SLCO3A1: variants seen among roughly 807,000 people sequenced by gnomAD.
SLCO3A1 encodes solute carrier organic anion transporter family member 3A1.
A neutral mutation model predicts 63.1 loss-of-function variants in SLCO3A1; 27 were observed. The observed-to-expected ratio is 0.43, with a 90% CI of 0.32 to 0.59. The LOEUF (loss-of-function observed/expected upper bound fraction) is 0.59, where lower values mean the gene tolerates loss of function less well. Ranked by LOEUF, SLCO3A1 falls within the 20% of genes least tolerant of loss-of-function variation. SLCO3A1 has a pLI of 0.09. For synonymous variants in SLCO3A1, 473 were observed against 409.9 expected (o/e 1.15, Z -1.86); for missense variants, 773 against 945.8 (o/e 0.82, Z 2.40).
At chr15:91,910,204 C>T (rs1898440815) in intron 1 of SLCO3A1, among the ~76,000 whole-genome samples, 1 of 152,190 alleles carries the variant, frequency 6.6e-6, no homozygotes. Context: ...GTGGCAGCCT[C>T]TCCCCTCCCA....
intron 7 of SLCO3A1, among the ~76,000 whole-genome samples, chr15:92,142,523 C>T (rs548394551): frequency 2.0e-5 from 3 of 152,300 alleles, no homozygotes; most frequent in African/African-American, 7.2e-5. Flanking sequence ...TAATCACCTC[C>T]TGAAGAACCC....
At chr15:91,917,791 C>T (rs969951663) in intron 2 of SLCO3A1, among the ~76,000 whole-genome samples, 10 of 152,302 alleles carry the variant, frequency 6.6e-5, no homozygotes, top group African/African-American at 1.7e-4. Flanking sequence ...AGCCGCTCCA[C>T]GTGAGTTTTT....
rs879813995 is a variant in SLCO3A1 at position 91,968,535 on chromosome 15, C to T, written c.646+52077C>T. On this transcript the variant is annotated intron_variant, in intron 2 of 9. Coordinates refer to ENST00000318445, the MANE Select transcript of SLCO3A1 (RefSeq NM_013272.4). The surrounding 1 kb of genome is among the most constrained non-coding windows in gnomAD (Gnocchi z 4.2). Reference sequence around the variant, plus strand: ...AGGTGAATAGGGCTCCACAAACCACCGTGGGGACCAGTGGCATCAAATTCT... The same window carrying T: ...AGGTGAATAGGGCTCCACAAACCACTGTGGGGACCAGTGGCATCAAATTCT... Among the ~76,000 whole-genome samples, 8 of 151,976 alleles carry T rather than the reference C, an allele frequency of 5.3e-5. No homozygotes were observed. Among genetic ancestry groups the T allele is most frequent in the South Asian group, 2.1e-4 (1 of 4,820 alleles).
In SLCO3A1 at chr15:91,941,986, C is replaced by T. The variant is rs1343575461; in HGVS notation, c.646+25528C>T. Reference sequence around the variant, plus strand: ...TGCCTTTGAGCTAGGTCTTACCCATCCACGACAAAAATGAGAGAACAGTAC... The same window carrying T: ...TGCCTTTGAGCTAGGTCTTACCCATTCACGACAAAAATGAGAGAACAGTAC... On this transcript the variant is annotated intron_variant, in intron 2 of 9. Coordinates refer to ENST00000318445, the MANE Select transcript of SLCO3A1 (RefSeq NM_013272.4). The surrounding 1 kb of genome is among the most constrained non-coding windows in gnomAD (Gnocchi z 4.4). 6.6e-6 allele frequency among the ~76,000 whole-genome samples: 1 copy of T among 152,178 alleles called. No homozygotes were observed. Among genetic ancestry groups the T allele is most frequent in the East Asian group, 1.9e-4 (1 of 5,190 alleles).
At position 91,854,274 on chromosome 15, in the gene SLCO3A1, C is replaced by T. The variant is rs1896853623; in HGVS notation, c.180+186C>T. The stretch of plus-strand genomic sequence containing the variant: ...GCTGCCGGCCGGGGCTGCCAGCGAG[C>T]GGGTAGCGGGCGGGACCGTTGATGC... On this transcript the variant is annotated intron_variant, in intron 1 of 9. Transcript: ENST00000318445. The surrounding 1 kb of genome is among the most constrained non-coding windows in gnomAD (Gnocchi z 6.4). 2 of 1,080,012 alleles carry T rather than the reference C, an allele frequency of 1.9e-6. No homozygotes were observed. Among genetic ancestry groups the T allele is most frequent in the Middle Eastern group, 3.8e-4 (1 of 2,628 alleles). The allele number at this position is 1,080,012 out of a possible 1,614,324, so 66.9% of individuals were successfully genotyped here.
At chr15:92,087,833 C>T (rs1050323394) in intron 2 of SLCO3A1, among the ~76,000 whole-genome samples, 1 of 152,122 alleles carries the variant, frequency 6.6e-6, no homozygotes. Flanking sequence ...CTATTATTAT[C>T]TTATATCAGT....
At chr15:91,986,809 T>C (rs910977802) in intron 2 of SLCO3A1, among the ~76,000 whole-genome samples, 1 of 152,254 alleles carries the variant, frequency 6.6e-6, no homozygotes, top group Non-Finnish European at 1.5e-5. Context: ...TATGAAGATA[T>C]ATTTGTAAAA....
At chr15:91,996,404 A>AT (rs553208924) in intron 2 of SLCO3A1, among the ~76,000 whole-genome samples, 121 of 150,876 alleles carry the variant, frequency 8.0e-4, no homozygotes, top group African/African-American at 1.9e-3. Flanking sequence ...TATCATAAAC[A>AT]TTTTTTTTTG....
rs1898667419 is a variant in SLCO3A1, at chr15:91,916,520, G to A, written c.646+62G>A. ...GGTGTGTTGACCATGGATAAAAGGT[G>A]GCCTGGTGGACTTTGATTTTGCCAG... On this transcript the variant is annotated intron_variant, in intron 2 of 9. Transcript: ENST00000318445. This position sits in a 1 kb window ranked among gnomAD's most constrained non-coding sequence, Gnocchi z 6.2. The A allele has an allele frequency of 7.8e-7, 1 of 1,290,134 alleles. No individual in the cohort carries two copies. Among genetic ancestry groups the A allele is most frequent in the South Asian group, 1.4e-5 (1 of 72,820 alleles). 79.9% of individuals were successfully genotyped at this position (1,290,134 alleles called of 1,614,324 possible).
At chr15:91,866,348 G>A (rs368800032) in intron 1 of SLCO3A1, among the ~76,000 whole-genome samples, 25 of 152,270 alleles carry the variant, frequency 1.6e-4, no homozygotes, top group African/African-American at 5.5e-4. Flanking sequence ...ATCAGGGCTG[G>A]TAAAATCTGC....
chr15:92,108,370 G>GT lies in SLCO3A1; in HGVS notation c.1009+3834dup, dbSNP rs572780884. On this transcript the variant is annotated intron_variant, in intron 4 of 9. Transcript: ENST00000318445. The stretch of plus-strand genomic sequence containing the variant: ...CCTGATCTTGCATTTTGGACAGCCT[G>GT]TTTTTTACACACCTCACATTCGTCC... Among the ~76,000 whole-genome samples, 8 of 152,272 alleles carry GT rather than the reference G, an allele frequency of 5.3e-5. No individual in the cohort carries two copies. In the East Asian group the frequency reaches 1.5e-3, roughly 29 times the overall value.
intron 2 of SLCO3A1, among the ~76,000 whole-genome samples, chr15:91,983,828 C>G (rs2046017000): frequency 6.6e-6 from 1 of 152,186 alleles, no homozygotes; most frequent in African/African-American, 2.4e-5. Flanking sequence ...CTCTGGTTTT[C>G]TAAGTCCAGT....
chr15:92,075,124 G>A (rs984999507), intron 2 of SLCO3A1, among the ~76,000 whole-genome samples: 10 of 152,106 alleles, frequency 6.6e-5, no homozygotes, highest in African/African-American at 1.2e-4. Flanking sequence ...CCAGTCCCCC[G>A]TGCTCCATGT....
intron 2 of SLCO3A1, among the ~76,000 whole-genome samples, chr15:91,922,988 G>A (rs1898898678): frequency 6.6e-6 from 1 of 152,140 alleles, no homozygotes; most frequent in South Asian, 2.1e-4. Context: ...TGTGGTTCAT[G>A]GCATCACCGC....
At chr15:91,922,702 C>T (rs546210389) in intron 2 of SLCO3A1, among the ~76,000 whole-genome samples, 8 of 152,166 alleles carry the variant, frequency 5.3e-5, no homozygotes, top group Non-Finnish European at 8.8e-5. Flanking sequence ...AGCCATCTCT[C>T]GTGGGAGCAA....
At chr15:92,139,692 G>C (rs2048103953) in intron 7 of SLCO3A1, among the ~76,000 whole-genome samples, 1 of 152,108 alleles carries the variant, frequency 6.6e-6, no homozygotes, top group Admixed American at 6.5e-5. Context: ...ACTTCTTCCT[G>C]GTTTAGTCTC....
chr15:92,149,290 C>T (rs1349183025), intron 8 of SLCO3A1: 1 of 152,244 alleles, frequency 6.6e-6, no homozygotes, highest in Non-Finnish European at 1.5e-5. Flanking sequence ...CTTGTAACTC[C>T]ACGCTGTGCT....
At chr15:92,167,505 C>T (rs371632122), downstream of SLCO3A1, among the ~76,000 whole-genome samples, 1 of 152,192 alleles carries the variant, frequency 6.6e-6, no homozygotes, top group African/African-American at 2.4e-5. Context: ...ACACCTGCTC[C>T]GCCCGACTTA....
At chr15:92,159,170 C>T (rs752110063) in intron 9 of SLCO3A1, among the ~76,000 whole-genome samples, 4 of 152,144 alleles carry the variant, frequency 2.6e-5, no homozygotes, top group South Asian at 4.1e-4. Context: ...TGACTTTCTC[C>T]AGGACTTTTG....
Sources: allele counts gnomAD v4.1 joint callset (sites outside exome capture counted in the v4.1 genomes callset), GRCh38; gene constraint gnomAD v4.1.1; non-coding constraint Gnocchi (gnomAD v3.1); transcripts MANE v1.5; gene names NCBI Gene and HGNC (gene_info 2026-07-23, HGNC 2026-07-21).